Variants in ARPC2 observed in about 807,000 individuals in gnomAD.
ARPC2 encodes the protein actin-related protein 2/3 complex subunit 2.
ARPC2 carries 4 observed loss-of-function variants against 38.6 expected under a neutral mutation model. The ratio of observed to expected loss-of-function variants is 0.10; its 90% confidence interval spans 0.05 to 0.24. The LOEUF is 0.24. Ranked by LOEUF, ARPC2 falls within the 10% of genes least tolerant of loss-of-function variation. The pLI, the probability that ARPC2 is intolerant of heterozygous loss-of-function variation, is 1.00. For synonymous variants in ARPC2, 125 were observed against 140.8 expected (o/e 0.89, Z 0.79); for missense variants, 229 against 387.3 (o/e 0.59, Z 3.43).
Position 218,254,097 on chromosome 2 carries a change from T to G in ARPC2, c.*182T>G. The G allele has an allele frequency of 1.8e-6, 1 of 540,970 alleles. No individual in the cohort carries two copies. Among genetic ancestry groups the G allele is most frequent in the Non-Finnish European group, 3.1e-6 (1 of 327,492 alleles). The allele number at this position is 540,970 out of a possible 1,614,324, so 33.5% of individuals were successfully genotyped here. On this transcript the variant is annotated 3_prime_UTR_variant, in exon 11 of 11. Transcript: ENST00000315717. Reference sequence around the variant, plus strand: ...AGCTGTGCTTGCAAAGACTTCATAGTTCCCAAGAATTAAAAAAAAAAAAAA... The same window carrying G: ...AGCTGTGCTTGCAAAGACTTCATAGGTCCCAAGAATTAAAAAAAAAAAAAA...
chr2:218,224,635 T>G (rs1574576393), intron 2 of ARPC2, among the ~76,000 whole-genome samples: 1 of 152,222 alleles, frequency 6.6e-6, no homozygotes, highest in Non-Finnish European at 1.5e-5. Flanking sequence ...ACTCTCTGCT[T>G]CTCCGTAAAC....
intron 3 of ARPC2, among the ~76,000 whole-genome samples, chr2:218,227,681 C>T (rs556285843): frequency 2.0e-5 from 3 of 152,218 alleles, no homozygotes; most frequent in Admixed American, 6.5e-5. Flanking sequence ...ACCTCCACCC[C>T]CCGGGTTCAA....
intron 2 of ARPC2, among the ~76,000 whole-genome samples, chr2:218,219,049 T>G (rs1689324977): frequency 6.6e-6 from 1 of 152,246 alleles, no homozygotes; most frequent in African/African-American, 2.4e-5. Context: ...AATTAACTTC[T>G]GCATTTTCAT....
intron 4 of ARPC2, among the ~76,000 whole-genome samples, chr2:218,230,479 T>C (rs1050064650): frequency 1.3e-5 from 2 of 151,404 alleles, no homozygotes; most frequent in Non-Finnish European, 2.9e-5. Flanking sequence ...GTTTGTTCTT[T>C]AGAGAGAGGA....
intron 2 of ARPC2, 114 bp downstream of exon 2, chr2:218,217,658 G>A (rs1689285570): frequency 8.8e-7 from 1 of 1,138,572 alleles, no homozygotes; most frequent in Non-Finnish European, 1.3e-6. Flanking sequence ...GCCTGGCAGG[G>A]TGTAGGGGCT....
intron 5 of ARPC2, among the ~76,000 whole-genome samples, chr2:218,238,274 C>T (rs976216417): frequency 1.3e-5 from 2 of 152,152 alleles, no homozygotes; most frequent in African/African-American, 2.4e-5. Context: ...TATGTGGCTC[C>T]TTTACAACTG....
chr2:218,237,152 T>G (rs1384785859), intron 5 of ARPC2, among the ~76,000 whole-genome samples: 1 of 152,134 alleles, frequency 6.6e-6, no homozygotes, highest in East Asian at 1.9e-4. Flanking sequence ...CTTTTAATGC[T>G]CACAACATTC....
At chr2:218,250,847 T>TTTTG (rs374863382) in intron 10 of ARPC2, among the ~76,000 whole-genome samples, 1 of 151,904 alleles carries the variant, frequency 6.6e-6, no homozygotes, top group Admixed American at 6.6e-5. Flanking sequence ...ATTTGCTGGT[T>TTTTG]TTTGTTTGTT....
chr2:218,220,118 G>T (rs960939111), intron 2 of ARPC2, among the ~76,000 whole-genome samples: 2 of 152,192 alleles, frequency 1.3e-5, no homozygotes, highest in African/African-American at 4.8e-5. Context: ...GGTGCTAAGG[G>T]GTGAAAGGTG....
intron 10 of ARPC2, among the ~76,000 whole-genome samples, chr2:218,250,426 G>A (rs1482837343): frequency 6.6e-6 from 1 of 152,082 alleles, no homozygotes; most frequent in Non-Finnish European, 1.5e-5. Flanking sequence ...CACTTTGGGA[G>A]GCTGAGATGG....
intron 2 of ARPC2, among the ~76,000 whole-genome samples, chr2:218,222,159 C>G (rs1240970659): frequency 6.6e-6 from 1 of 152,070 alleles, no homozygotes; most frequent in East Asian, 1.9e-4. Context: ...CCCAGCTACT[C>G]AGGAAGCTGA....
rs1481611690 is a variant in ARPC2, at chr2:218,217,563, CCGGGGGTGG to C, written c.74+26_74+34del. 6.2e-7 allele frequency: 1 copy of C among 1,603,500 alleles called. No homozygotes were observed. Among genetic ancestry groups the C allele is most frequent in the South Asian group, 1.1e-5 (1 of 89,960 alleles). ...CCGCCGGGTGAGCGCGCGCCCGGGG[CCGGGGGTGG>C]CGGGGGAAGCAGAGTTGACCCCAGC... On this transcript the variant is annotated intron_variant, in intron 2 of 10. Transcript: ENST00000315717.
intron 3 of ARPC2, chr2:218,226,858 C>A (rs1574578037): frequency 4.8e-6 from 1 of 209,930 alleles, no homozygotes. Context: ...CTTCAAGTAG[C>A]TGTCAGTCTT....
intron 6 of ARPC2, 69 bp downstream of exon 6, chr2:218,238,919 A>C (rs1192521100): frequency 2.4e-6 from 3 of 1,274,484 alleles, no homozygotes; most frequent in Non-Finnish European, 3.3e-6. Flanking sequence ...ACTGAAAGAA[A>C]TATGGCTTGG....
At chr2:218,235,028 C>T (rs1296925137) in intron 5 of ARPC2, 1 of 337,628 alleles carries the variant, frequency 3.0e-6, no homozygotes, top group Non-Finnish European at 5.8e-6. Context: ...TTAGCAGGAC[C>T]CCAAAGTGAG....
intron 7 of ARPC2, among the ~76,000 whole-genome samples, chr2:218,240,257 AT>A (rs1251452324): frequency 1.3e-5 from 2 of 151,980 alleles, no homozygotes; most frequent in East Asian, 1.9e-4. Flanking sequence ...CCAGCCTGAT[AT>A]TTTTTTTCTC....
At chr2:218,244,307 A>G (rs933819334) in intron 7 of ARPC2, among the ~76,000 whole-genome samples, 3 of 152,234 alleles carry the variant, frequency 2.0e-5, no homozygotes, top group Non-Finnish European at 2.9e-5. Flanking sequence ...CTCCTCAGCC[A>G]TCATCTTTCT....
At chr2:218,224,022 A>G (rs559676269) in intron 2 of ARPC2, among the ~76,000 whole-genome samples, 1 of 152,318 alleles carries the variant, frequency 6.6e-6, no homozygotes, top group African/African-American at 2.4e-5. Context: ...CCTTTGGCCT[A>G]ATACTCTCCT....
At chr2:218,240,186 C>G (rs539297685) in intron 7 of ARPC2, among the ~76,000 whole-genome samples, 1 of 152,126 alleles carries the variant, frequency 6.6e-6, no homozygotes, top group South Asian at 2.1e-4. Context: ...ATCTCCTGAC[C>G]TCATGATCCG....
Sources: gnomAD v4.1 joint callset for allele counts (sites outside exome capture counted in the v4.1 genomes callset) on GRCh38, gnomAD v4.1.1 for gene constraint, MANE v1.5 for transcripts, NCBI Gene and HGNC (gene_info 2026-07-23, HGNC 2026-07-21) for gene names.